Variants in PRKCB observed in about 807,000 individuals in gnomAD.
PRKCB encodes the protein protein kinase C beta type.
Under a neutral mutation model 81.5 loss-of-function variants are expected in PRKCB, and 13 were observed. The ratio of observed to expected loss-of-function variants is 0.16; its 90% CI spans 0.10 to 0.25. The LOEUF is 0.25. Among genes scored for constraint, PRKCB ranks in the 10% least tolerant of loss-of-function variants. The pLI, the probability that PRKCB is intolerant of heterozygous loss-of-function variation, is 1.00. For synonymous variants in PRKCB, 335 were observed against 321.4 expected, an observed-to-expected ratio of 1.04 and a Z score of -0.45; for missense variants, 509 against 875.7, an observed-to-expected ratio of 0.58 and a Z score of 5.29.
intron 2 of PRKCB, among the ~76,000 whole-genome samples, chr16:23,838,228 G>A (rs1374476366): frequency 6.6e-6 from 1 of 152,196 alleles, no homozygotes; most frequent in African/African-American, 2.4e-5. Context: ...TTTAGAACTG[G>A]GAGATTTCAC....
rs1347054780 is a variant in PRKCB, at chr16:23,903,530, A to G, written c.205+66124A>G. ...AGCAAGCACATGCCTTGGGAATATGAGAAAGTAAATGATTTCTACCCTAGA... is the reference window on the plus strand; with the variant it reads ...AGCAAGCACATGCCTTGGGAATATGGGAAAGTAAATGATTTCTACCCTAGA... On this transcript the variant is annotated intron_variant, in intron 2 of 16. Coordinates refer to ENST00000643927, the MANE Select transcript of PRKCB (RefSeq NM_002738.7). 1.3e-5 allele frequency among the ~76,000 whole-genome samples: 2 copies of G among 152,218 alleles called. 1 individual carries two copies. The highest frequency in any genetic ancestry group is 4.1e-4 in the South Asian group (2 of 4,830).
chr16:23,951,579 C>CTTT (rs11354474), intron 2 of PRKCB, among the ~76,000 whole-genome samples: 28 of 97,590 alleles, frequency 2.9e-4, no homozygotes, highest in African/African-American at 8.8e-4. Context: ...CTATGCCAGG[C>CTTT]TTTTTTTTTT....
chr16:23,922,540 A>G (rs947424335), intron 2 of PRKCB, among the ~76,000 whole-genome samples: 4 of 152,202 alleles, frequency 2.6e-5, no homozygotes, highest in African/African-American at 9.7e-5. Flanking sequence ...AGAGCTACCT[A>G]GTTTTTTTGT....
At position 24,216,811 on chromosome 16, in the gene PRKCB, C is replaced by T; in HGVS notation, c.*1995C>T. On this transcript the variant is annotated 3_prime_UTR_variant, in exon 17 of 17. Transcript: ENST00000643927. ...GCTCCCTCACTTTATTGTTGAGAAA[C>T]TGGCATCTGGAAAGAGGAAGGAATT... 1.0e-6 allele frequency: 1 copy of T among 985,450 alleles called. No individual in the cohort carries two copies. Among genetic ancestry groups the T allele is most frequent in the Non-Finnish European group, 1.2e-6 (1 of 829,942 alleles). 61.0% of individuals were successfully genotyped at this position (985,450 alleles called of 1,614,324 possible).
chr16:24,072,398 G>T (rs948866033), intron 5 of PRKCB, among the ~76,000 whole-genome samples: 1 of 151,818 alleles, frequency 6.6e-6, no homozygotes, highest in Admixed American at 6.6e-5. Flanking sequence ...CTCCTAAGTA[G>T]CTGGGACTGT....
chr16:23,974,053 C>CAT (rs138219397), intron 2 of PRKCB, among the ~76,000 whole-genome samples: 1,777 of 151,852 alleles, frequency 0.012, 24 homozygotes, highest in African/African-American at 0.026. Flanking sequence ...TATGAGGTCT[C>CAT]ATATATATAT....
At chr16:23,938,517 T>C (rs1166787434) in intron 2 of PRKCB, among the ~76,000 whole-genome samples, 4 of 152,202 alleles carry the variant, frequency 2.6e-5, no homozygotes, top group Non-Finnish European at 5.9e-5. Flanking sequence ...CAGACAACAA[T>C]AATTATTTGT....
intron 2 of PRKCB, among the ~76,000 whole-genome samples, chr16:23,883,415 G>C (rs1963153351): frequency 6.6e-6 from 1 of 152,158 alleles, no homozygotes; most frequent in African/African-American, 2.4e-5. Flanking sequence ...GCTGGGGCGT[G>C]GTGGGTGTGG....
intron 2 of PRKCB, among the ~76,000 whole-genome samples, chr16:23,877,888 C>T (rs1474124668): frequency 1.3e-5 from 2 of 151,388 alleles, no homozygotes; most frequent in Non-Finnish European, 2.9e-5. Flanking sequence ...CACTGGAGTG[C>T]AGTGGCATGA....
intron 7 of PRKCB, among the ~76,000 whole-genome samples, chr16:24,096,660 A>ATATATATATATATATATATAT (rs1966443699): frequency 2.6e-5 from 1 of 38,318 alleles, no homozygotes; most frequent in African/African-American, 9.0e-5. Context: ...GGCAAAAAAA[A>ATATATATATATATATATATAT]AAAAAAATAT....
chr16:24,037,603 G>A (rs575962598), intron 5 of PRKCB, among the ~76,000 whole-genome samples: 2 of 152,026 alleles, frequency 1.3e-5, no homozygotes, highest in East Asian at 1.9e-4. Flanking sequence ...GCCCTCCACC[G>A]TATTTATTCC....
chr16:24,158,626 A>G (rs908007337), intron 10 of PRKCB, among the ~76,000 whole-genome samples: 8 of 149,698 alleles, frequency 5.3e-5, no homozygotes, highest in Middle Eastern at 3.4e-3. Context: ...GTGTATGTGT[A>G]TGTGTGTGTA....
At chr16:24,214,610 T>A (rs559764106) in intron 16 of PRKCB, 48 bp from the exon 17 acceptor site, 2 of 1,520,978 alleles carry the variant, frequency 1.3e-6, no homozygotes, top group Non-Finnish European at 1.8e-6. Context: ...GCTTTTGTTT[T>A]TGTTTTTTTT....
At chr16:23,891,576 G>T (rs1249931657) in intron 2 of PRKCB, among the ~76,000 whole-genome samples, 1 of 152,130 alleles carries the variant, frequency 6.6e-6, no homozygotes, top group South Asian at 2.1e-4. Context: ...TCTATGTTAG[G>T]CCTATCTGCA....
At chr16:23,959,997 G>T (rs1042390157) in intron 2 of PRKCB, among the ~76,000 whole-genome samples, 1 of 152,126 alleles carries the variant, frequency 6.6e-6, no homozygotes, top group African/African-American at 2.4e-5. Flanking sequence ...GGCAGCAACT[G>T]CAGCTGTTCA....
chr16:24,159,596 G>A (rs1967222953), intron 10 of PRKCB, among the ~76,000 whole-genome samples: 1 of 151,332 alleles, frequency 6.6e-6, no homozygotes, highest in South Asian at 2.1e-4. Flanking sequence ...GCTAAGTAGT[G>A]GAGCTAAGAT....
At chr16:24,157,493 G>A (rs1373746636) in intron 10 of PRKCB, among the ~76,000 whole-genome samples, 3 of 150,078 alleles carry the variant, frequency 2.0e-5, no homozygotes, top group African/African-American at 4.9e-5. Flanking sequence ...AGAAAGACAC[G>A]TGTGCTTCCC....
At chr16:24,069,180 C>T (rs1306384504) in intron 5 of PRKCB, among the ~76,000 whole-genome samples, 1 of 152,152 alleles carries the variant, frequency 6.6e-6, no homozygotes, top group African/African-American at 2.4e-5. Flanking sequence ...CACCATCACA[C>T]TTGACTAATT....
chr16:23,902,415 C>G (rs890003723), intron 2 of PRKCB, among the ~76,000 whole-genome samples: 1 of 152,154 alleles, frequency 6.6e-6, no homozygotes, highest in Non-Finnish European at 1.5e-5. Context: ...TTTGCCCCTA[C>G]CATTTTGAGG....
Sources: gnomAD v4.1 joint callset for allele counts (sites outside exome capture counted in the v4.1 genomes callset) on GRCh38, gnomAD v4.1.1 for gene constraint, MANE v1.5 for transcripts, NCBI Gene and HGNC (gene_info 2026-07-23, HGNC 2026-07-21) for gene names.